The following MTCH2 variants were observed in gnomAD, a reference collection of about 807,000 sequenced individuals.
The protein encoded by MTCH2 is mitochondrial carrier homolog 2.
A neutral mutation model predicts 50.6 loss-of-function variants in MTCH2; 25 were observed. The ratio of observed to expected loss-of-function variants is 0.49; its 90% CI spans 0.36 to 0.69. The LOEUF is 0.69. MTCH2 is among the 30% of genes least tolerant of loss of function. The pLI is 0.00. For missense variants in MTCH2, 273 were observed against 384.4 expected (o/e 0.71, Z 2.42); for synonymous variants, 106 against 132.0 (o/e 0.80, Z 1.35).
At chr11:47,616,156 A>T, downstream of MTCH2, among the ~76,000 whole-genome samples, 1 of 151,948 alleles carries the variant, frequency 6.6e-6, no homozygotes. Context: ...TAAAAAATAG[A>T]GACAGGGTTT....
downstream of MTCH2, among the ~76,000 whole-genome samples, chr11:47,614,352 C>T (rs146701562): frequency 6.6e-6 from 1 of 152,348 alleles, no homozygotes; most frequent in East Asian, 1.9e-4. Context: ...ATTAGAACTT[C>T]TACAACAGGC....
the MTCH2 span, among the ~76,000 whole-genome samples, chr11:47,612,195 C>T: frequency 6.6e-6 from 1 of 152,132 alleles, no homozygotes; most frequent in Non-Finnish European, 1.5e-5. Flanking sequence ...AGGCAGATGG[C>T]TTGAGTCCGG....
intron 2 of MTCH2, 34 bp downstream of exon 2, chr11:47,638,933 G>T (rs747500540): frequency 1.3e-6 from 2 of 1,591,014 alleles, no homozygotes; most frequent in Non-Finnish European, 1.7e-6. Context: ...AGTCCTCAAC[G>T]TCATGCAAAC....
the MTCH2 span, among the ~76,000 whole-genome samples, chr11:47,609,155 A>G: frequency 4.6e-4 from 67 of 146,772 alleles, no homozygotes; most frequent in African/African-American, 1.4e-3. Flanking sequence ...AAGAAAAAAG[A>G]AAAAAAAATC....
intron 12 of MTCH2, 41 bp from the exon 13 acceptor site, chr11:47,618,960 G>C (rs932167266): frequency 6.6e-7 from 1 of 1,523,508 alleles, no homozygotes; most frequent in Non-Finnish European, 8.9e-7. Context: ...AATATCTAGC[G>C]AGATGAGATC....
chr11:47,633,526 AT>A (rs869251946), intron 5 of MTCH2, among the ~76,000 whole-genome samples: 238 of 34,986 alleles, frequency 6.8e-3, no homozygotes, highest in African/African-American at 0.018. Context: ...ATATATATAT[AT>A]TTTTTTTTTT....
At position 47,639,841 on chromosome 11, in the gene MTCH2, AAAAC is replaced by A. The variant is rs571680942; in HGVS notation, c.88-794_88-791del. Among the ~76,000 whole-genome samples the A allele has an allele frequency of 6.0e-4, 92 of 152,254 alleles. No individual in the cohort carries two copies. The South Asian group carries it at 7.3e-3, about 12-fold the overall frequency. Reference sequence around the variant, plus strand: ...CCGACAACAGCGAGACTCCATCTCAAAAACAAACAAACAAACGAACAAACAAAAA... The same window carrying A: ...CCGACAACAGCGAGACTCCATCTCAAAAACAAACAAACGAACAAACAAAAA... On this transcript the variant is annotated intron_variant, in intron 1 of 12. Transcript: ENST00000302503.
chr11:47,637,670 C>T (rs1469122934), intron 3 of MTCH2, among the ~76,000 whole-genome samples: 1 of 151,962 alleles, frequency 6.6e-6, no homozygotes, highest in Admixed American at 6.6e-5. Flanking sequence ...TTATTGTTTT[C>T]TTATTTTTTA....
chr11:47,628,024 T>A (rs1201079336), intron 9 of MTCH2, among the ~76,000 whole-genome samples: 1 of 152,130 alleles, frequency 6.6e-6, no homozygotes, highest in African/African-American at 2.4e-5. Context: ...TAAGGGACAA[T>A]TCACTACCTT....
intron 12 of MTCH2, among the ~76,000 whole-genome samples, chr11:47,620,899 A>G (rs1206755448): frequency 6.6e-6 from 1 of 152,194 alleles, no homozygotes; most frequent in South Asian, 2.1e-4. Context: ...TCTTAGCATG[A>G]TATCTGGTAT....
At chr11:47,633,524 ATAT>A (rs1255007765) in intron 5 of MTCH2, among the ~76,000 whole-genome samples, 4 of 55,308 alleles carry the variant, frequency 7.2e-5, no homozygotes, top group Non-Finnish European at 9.2e-5. Flanking sequence ...ATATATATAT[ATAT>A]TTTTTTTTTT....
chr11:47,612,744 A>AC (rs1565957026), downstream of MTCH2, among the ~76,000 whole-genome samples: 2 of 152,028 alleles, frequency 1.3e-5, no homozygotes, highest in African/African-American at 4.8e-5. Flanking sequence ...AAAAAAAAAA[A>AC]AGAAGTGCTA....
At chr11:47,636,851 A>T (rs2097309080) in intron 3 of MTCH2, among the ~76,000 whole-genome samples, 1 of 152,198 alleles carries the variant, frequency 6.6e-6, no homozygotes, top group African/African-American at 2.4e-5. Context: ...CAGGAATTCA[A>T]GACCAGACTG....
At chr11:47,628,308 A>G (rs1428994787) in intron 9 of MTCH2, among the ~76,000 whole-genome samples, 3 of 152,144 alleles carry the variant, frequency 2.0e-5, no homozygotes, top group Non-Finnish European at 4.4e-5. Context: ...GATACACCAT[A>G]AAGATGTCCT....
At chr11:47,613,915 C>T (rs2097286884), downstream of MTCH2, among the ~76,000 whole-genome samples, 1 of 152,052 alleles carries the variant, frequency 6.6e-6, no homozygotes, top group Non-Finnish European at 1.5e-5. Context: ...GAAAGCCCGT[C>T]TCTACTAAAA....
In MTCH2 at chr11:47,618,875, G is replaced by A. The variant is rs2097290561; in HGVS notation, c.870C>T (p.Pro290=). ...RGNSLFFRKV[P]FGKTYCCDLK... ...GGTCACAACAATAAGTCTTCCCAAAGGGGACCTTCCGGAAAAATAAGCTAT... is the reference window on the plus strand; with the variant it reads ...GGTCACAACAATAAGTCTTCCCAAAAGGGACCTTCCGGAAAAATAAGCTAT... The change falls in exon 13 of 13, where the codon CCC becomes CCT. Residue 290 remains proline (P), a synonymous_variant. Coordinates refer to ENST00000302503, the MANE Select transcript of MTCH2 (RefSeq NM_014342.4). 2 of 1,287,710 alleles carry A rather than the reference G, an allele frequency of 1.6e-6. No individual in the cohort carries two copies. The highest frequency in any genetic ancestry group is 2.0e-6 in the Non-Finnish European group (2 of 1,019,932). The allele number at this position is 1,287,710 out of a possible 1,614,324, so 79.8% of individuals were successfully genotyped here. A position where few individuals can be genotyped will look rare whatever the true frequency, so the allele number is the denominator to read the frequency against.
intron 1 of MTCH2, among the ~76,000 whole-genome samples, chr11:47,641,774 T>G (rs997112991): frequency 2.0e-5 from 3 of 152,216 alleles, no homozygotes; most frequent in African/African-American, 7.2e-5. Flanking sequence ...TGGAAAGCGC[T>G]CAATGCATCC....
chr11:47,613,738 G>C, downstream of MTCH2, among the ~76,000 whole-genome samples: 1 of 151,782 alleles, frequency 6.6e-6, no homozygotes, highest in East Asian at 1.9e-4. Context: ...TTGGGAGCTT[G>C]TTCACTGCTT....
At chr11:47,635,459 C>T in intron 4 of MTCH2, 86 bp downstream of exon 4, 1 of 1,447,550 alleles carries the variant, frequency 6.9e-7, no homozygotes, top group Non-Finnish European at 9.7e-7. Context: ...AGACTGACTA[C>T]TTGGCTTTTC....
Sources: allele counts gnomAD v4.1 joint callset (sites outside exome capture counted in the v4.1 genomes callset), GRCh38; gene constraint gnomAD v4.1.1; transcripts MANE v1.5; gene names NCBI Gene and HGNC (gene_info 2026-07-23, HGNC 2026-07-21).